Variants in MCTP1 observed in about 807,000 individuals in gnomAD.
MCTP1 encodes multiple C2 and transmembrane domain-containing protein 1.
In MCTP1, 69 loss-of-function variants were observed where a neutral mutation model predicts 120.6. The ratio of observed to expected loss-of-function variants is 0.57; its 90% confidence interval spans 0.47 to 0.70. MCTP1 has a LOEUF of 0.70. Ranked by LOEUF, MCTP1 falls within the 30% of genes least tolerant of loss-of-function variation. The probability of loss-of-function intolerance (pLI) is 0.00; values close to 1 mark genes in which losing one functional copy is unlikely to be tolerated. For missense variants in MCTP1, 1,203 were observed against 1,248.8 expected, an observed-to-expected ratio of 0.96 and a Z score of 0.55; for synonymous variants, 529 against 493.1, an observed-to-expected ratio of 1.07 and a Z score of -0.96.
intron 17 of MCTP1, among the ~76,000 whole-genome samples, chr5:94,823,584 G>C (rs1786193754): frequency 6.6e-6 from 1 of 152,194 alleles, no homozygotes; most frequent in South Asian, 2.1e-4. Context: ...TGTGAAGAAA[G>C]TCAATGGTAG....
intron 2 of MCTP1, among the ~76,000 whole-genome samples, chr5:95,017,148 G>A (rs1837278116): frequency 6.6e-6 from 1 of 152,116 alleles, no homozygotes; most frequent in Non-Finnish European, 1.5e-5. Flanking sequence ...GGACTTTGCT[G>A]TCTGGGTTGA....
intron 1 of MCTP1, among the ~76,000 whole-genome samples, chr5:95,072,680 T>C (rs1752511259): frequency 6.6e-6 from 1 of 152,058 alleles, no homozygotes; most frequent in South Asian, 2.1e-4. Flanking sequence ...ACAATATATG[T>C]TTGGAGCTAG....
chr5:95,269,545 G>T (rs1399269630), intron 1 of MCTP1, among the ~76,000 whole-genome samples: 1 of 152,154 alleles, frequency 6.6e-6, no homozygotes, highest in Non-Finnish European at 1.5e-5. Context: ...ACTAATGGTG[G>T]CACCTTCCTC....
intron 1 of MCTP1, among the ~76,000 whole-genome samples, chr5:95,171,261 A>G (rs912778264): frequency 6.6e-6 from 1 of 152,054 alleles, no homozygotes; most frequent in Non-Finnish European, 1.5e-5. Context: ...TGGCTTGTAG[A>G]GTTTCTGCCG....
At chr5:95,118,379 AC>A (rs1757975763) in intron 1 of MCTP1, among the ~76,000 whole-genome samples, 2 of 152,318 alleles carry the variant, frequency 1.3e-5, no homozygotes, top group South Asian at 2.1e-4. Flanking sequence ...ATCAAAAAAA[AC>A]ATACAACGGA....
At chr5:94,997,925 A>G (rs1832931233) in intron 2 of MCTP1, among the ~76,000 whole-genome samples, 3 of 152,304 alleles carry the variant, frequency 2.0e-5, no homozygotes, top group Admixed American at 2.0e-4. Context: ...GTATATTTAA[A>G]ATACACACAT....
At chr5:94,816,440 G>T in intron 17 of MCTP1, among the ~76,000 whole-genome samples, 1 of 151,902 alleles carries the variant, frequency 6.6e-6, no homozygotes, top group Non-Finnish European at 1.5e-5. Flanking sequence ...AATTTTACAT[G>T]AATTAATATA....
At chr5:94,815,006 T>C (rs1012154521) in intron 17 of MCTP1, among the ~76,000 whole-genome samples, 3 of 152,198 alleles carry the variant, frequency 2.0e-5, no homozygotes, top group Non-Finnish European at 4.4e-5. Context: ...TAAAACTCCT[T>C]AGCCCCACAT....
intron 5 of MCTP1, among the ~76,000 whole-genome samples, chr5:94,933,622 C>T (rs1224990084): frequency 2.0e-5 from 3 of 151,758 alleles, no homozygotes; most frequent in East Asian, 1.9e-4. Context: ...GTACAATCTA[C>T]AATTCATGGT....
At chr5:95,129,783 C>A (rs1309611331) in intron 1 of MCTP1, among the ~76,000 whole-genome samples, 3 of 152,134 alleles carry the variant, frequency 2.0e-5, no homozygotes, top group African/African-American at 7.2e-5. Context: ...GCCCCAGTCT[C>A]CCGAGTAGCT....
chr5:94,802,068 A>C lies in MCTP1; in HGVS notation c.2437-2936T>G, dbSNP rs1247698460. Among the ~76,000 whole-genome samples the C allele has an allele frequency of 2.6e-5, 4 of 152,378 alleles. No homozygotes were observed. In the East Asian group the frequency reaches 7.7e-4, roughly 29 times the overall value. On this transcript the variant is annotated intron_variant, in intron 17 of 22. Transcript: ENST00000515393. ...TGGATTGGAGAAAGACACAGAAGAC[A>C]GAGACACAGAAAGAAATTACATTCA... is the stretch of plus-strand genomic sequence containing the variant.
At chr5:95,023,093 C>T (rs1444561412) in intron 1 of MCTP1, among the ~76,000 whole-genome samples, 1 of 152,124 alleles carries the variant, frequency 6.6e-6, no homozygotes, top group Non-Finnish European at 1.5e-5. Context: ...GAAAGGAAGA[C>T]TGATATACAG....
chr5:95,223,402 G>A (rs760508205), intron 1 of MCTP1, among the ~76,000 whole-genome samples: 1 of 152,104 alleles, frequency 6.6e-6, no homozygotes, highest in Non-Finnish European at 1.5e-5. Context: ...AGTGAGCCAC[G>A]ATCTCACCAC....
intron 12 of MCTP1, among the ~76,000 whole-genome samples, chr5:94,885,643 A>G (rs1581188180): frequency 9.4e-6 from 1 of 105,866 alleles, no homozygotes; most frequent in South Asian, 3.4e-4. Context: ...GTAGAGTTTT[A>G]AGGAAAACTT....
At chr5:94,773,780 C>G (rs1437832993) in intron 19 of MCTP1, among the ~76,000 whole-genome samples, 2 of 152,116 alleles carry the variant, frequency 1.3e-5, no homozygotes, top group African/African-American at 4.8e-5. Context: ...GAGACTTATT[C>G]ACTATCATGA....
At chr5:94,746,242 C>T (rs13188252) in intron 19 of MCTP1, among the ~76,000 whole-genome samples, 18 of 151,890 alleles carry the variant, frequency 1.2e-4, no homozygotes, top group Non-Finnish European at 2.5e-4. Flanking sequence ...AGACAATATC[C>T]GCCACACTTG....
intron 1 of MCTP1, among the ~76,000 whole-genome samples, chr5:95,110,643 A>G (rs1241168249): frequency 1.3e-5 from 2 of 152,200 alleles, no homozygotes; most frequent in African/African-American, 2.4e-5. Context: ...TGGACAAAGT[A>G]GTACCATCCA....
chr5:95,223,080 CACTT>C (rs1321296808), intron 1 of MCTP1, among the ~76,000 whole-genome samples: 3 of 152,168 alleles, frequency 2.0e-5, no homozygotes, highest in African/African-American at 4.8e-5. Context: ...GAGGAGAATC[CACTT>C]ACTTACTTAT....
intron 2 of MCTP1, among the ~76,000 whole-genome samples, chr5:94,962,225 A>G (rs1824437513): frequency 6.6e-6 from 1 of 152,152 alleles, no homozygotes; most frequent in South Asian, 2.1e-4. Flanking sequence ...CCACTATGGA[A>G]AATGGTGTGG....
Sources: allele counts gnomAD v4.1 joint callset (sites outside exome capture counted in the v4.1 genomes callset), GRCh38; gene constraint gnomAD v4.1.1; transcripts MANE v1.5; gene names NCBI Gene and HGNC (gene_info 2026-07-23, HGNC 2026-07-21).